The following AKR1C8 variants were observed in gnomAD, a reference collection of about 807,000 sequenced individuals.
AKR1C8 encodes the protein aldo-keto reductase family 1 member C8, also known as aldo-keto reductase family 1 member C-like protein 1.
chr10:5,177,030 A>T, the AKR1C8 span, among the ~76,000 whole-genome samples: 1 of 151,382 alleles, frequency 6.6e-6, no homozygotes, highest in Non-Finnish European at 1.5e-5. Flanking sequence ...TAGGAGTGGT[A>T]AGAGAGGGCA....
At chr10:5,143,382 A>G in the AKR1C8 span, among the ~76,000 whole-genome samples, 15 of 152,112 alleles carry the variant, frequency 9.9e-5, no homozygotes, top group African/African-American at 3.6e-4. Context: ...TTTGCACTCT[A>G]GGACTTTCAC....
chr10:5,176,454 G>GCA, the AKR1C8 span, among the ~76,000 whole-genome samples: 3 of 149,520 alleles, frequency 2.0e-5, no homozygotes, highest in African/African-American at 7.4e-5. Context: ...TTGACTTGTT[G>GCA]ATGCAGGCTC....
the AKR1C8 span, among the ~76,000 whole-genome samples, chr10:5,166,848 G>C: frequency 6.6e-6 from 1 of 152,000 alleles, no homozygotes; most frequent in African/African-American, 2.4e-5. Flanking sequence ...AGAGTGAACA[G>C]GCAACCTAGA....
At chr10:5,180,430 G>A in the AKR1C8 span, among the ~76,000 whole-genome samples, 2 of 152,224 alleles carry the variant, frequency 1.3e-5, no homozygotes, top group Admixed American at 6.5e-5. Flanking sequence ...TAGGGGTCAG[G>A]GACCCACTTG....
At chr10:5,134,474 G>A in the AKR1C8 span, among the ~76,000 whole-genome samples, 1 of 152,130 alleles carries the variant, frequency 6.6e-6, no homozygotes, top group Non-Finnish European at 1.5e-5. Flanking sequence ...TTTCATGTCA[G>A]GGGACCATCC....
chr10:5,145,218 C>T, the AKR1C8 span, among the ~76,000 whole-genome samples: 6 of 152,032 alleles, frequency 3.9e-5, no homozygotes, highest in Admixed American at 1.3e-4. Context: ...AAGACTTAAA[C>T]GTTAGACCTA....
At chr10:5,166,623 A>G in the AKR1C8 span, among the ~76,000 whole-genome samples, 4 of 152,232 alleles carry the variant, frequency 2.6e-5, no homozygotes, top group African/African-American at 7.2e-5. Flanking sequence ...CTTACACCTT[A>G]TACAAAAATT....
the AKR1C8 span, among the ~76,000 whole-genome samples, chr10:5,139,823 G>T: frequency 6.6e-6 from 1 of 152,080 alleles, no homozygotes; most frequent in Non-Finnish European, 1.5e-5. Context: ...AAGAGCTTCT[G>T]CACAGCAAAA....
the AKR1C8 span, among the ~76,000 whole-genome samples, chr10:5,150,892 T>C: frequency 6.6e-6 from 1 of 152,158 alleles, no homozygotes; most frequent in Admixed American, 6.6e-5. Flanking sequence ...GGAATTGCAA[T>C]AGAGAAAGAG....
At chr10:5,166,231 C>A in the AKR1C8 span, among the ~76,000 whole-genome samples, 2 of 152,034 alleles carry the variant, frequency 1.3e-5, no homozygotes, top group Non-Finnish European at 2.9e-5. Flanking sequence ...TTTATAGATT[C>A]AATGCCATCC....
the AKR1C8 span, among the ~76,000 whole-genome samples, chr10:5,145,253 A>G: frequency 1.3e-5 from 2 of 152,266 alleles, no homozygotes; most frequent in Admixed American, 1.3e-4. Flanking sequence ...CTAGAAGAAA[A>G]CCTAGGCAAT....
the AKR1C8 span, among the ~76,000 whole-genome samples, chr10:5,137,330 C>T: frequency 1.3e-5 from 2 of 152,086 alleles, no homozygotes; most frequent in African/African-American, 4.8e-5. Flanking sequence ...CCCTGATGAG[C>T]ATCAAGGCAA....
At chr10:5,123,891 T>A in the AKR1C8 span, 1 of 1,462,340 alleles carries the variant, frequency 6.8e-7, no homozygotes, top group Non-Finnish European at 9.2e-7. Context: ...AGATTACAGA[T>A]TAAAGTAAAA....
At chr10:5,136,783 C>T in the AKR1C8 span, among the ~76,000 whole-genome samples, 1 of 151,996 alleles carries the variant, frequency 6.6e-6, no homozygotes, top group Non-Finnish European at 1.5e-5. Flanking sequence ...ATAGTGTGAA[C>T]ATGAAGGACA....
chr10:5,166,362 G>A, the AKR1C8 span, among the ~76,000 whole-genome samples: 1 of 152,142 alleles, frequency 6.6e-6, no homozygotes, highest in African/African-American at 2.4e-5. Context: ...AAAGCTGGAG[G>A]CATCATGCTA....
chr10:5,117,261 G>A, the AKR1C8 span, among the ~76,000 whole-genome samples: 97,710 of 151,968 alleles, frequency 0.64, 32,260 homozygotes, highest in African/African-American at 0.7. Context: ...GAGGATTCAG[G>A]AGCAAACAAT....
the AKR1C8 span, among the ~76,000 whole-genome samples, chr10:5,124,023 T>C: frequency 6.6e-6 from 1 of 152,176 alleles, no homozygotes; most frequent in Non-Finnish European, 1.5e-5. Context: ...AGAAATGTCA[T>C]TTCTGAGCAC....
the AKR1C8 span, among the ~76,000 whole-genome samples, chr10:5,158,416 G>T: frequency 6.6e-6 from 1 of 152,196 alleles, no homozygotes. Context: ...GATGAAACAG[G>T]AAGGAAAGAA....
At chr10:5,149,444 C>T in the AKR1C8 span, among the ~76,000 whole-genome samples, 1 of 152,242 alleles carries the variant, frequency 6.6e-6, no homozygotes, top group East Asian at 1.9e-4. Context: ...TTAAAAGACT[C>T]TCAGATTAGA....
Sources: gnomAD v4.1 joint callset for allele counts (sites outside exome capture counted in the v4.1 genomes callset) on GRCh38, gnomAD v4.1.1 for gene constraint, MANE v1.5 for transcripts, NCBI Gene and HGNC (gene_info 2026-07-23, HGNC 2026-07-21) for gene names.